The following TTC39C variants were observed in gnomAD, a reference collection of about 807,000 sequenced individuals.
TTC39C encodes tetratricopeptide repeat protein 39C.
A neutral mutation model predicts 76.3 loss-of-function variants in TTC39C; 33 were observed. The observed-to-expected ratio is 0.43, with a 90% CI of 0.33 to 0.58. TTC39C has a LOEUF of 0.58. TTC39C is among the 20% of genes least tolerant of loss of function. The pLI is 0.04. For synonymous variants in TTC39C, 254 were observed against 260.6 expected (o/e 0.97, Z 0.24); for missense variants, 595 against 701.4 (o/e 0.85, Z 1.71).
chr18:24,114,584 C>T lies in TTC39C; in HGVS notation c.1015C>T (p.His339Tyr). ...AATCAACAGTGCCTTGACATCTTTC[C>T]ACACTGCTTTGGAACTTGCAGTAGA... ...CQINSALTSF[H>Y]TALELAVDQR... The change falls in exon 7 of 14, where the codon CAC becomes TAC. Residue 339 changes from histidine (H) to tyrosine (Y), a missense_variant. His to Tyr is a moderately conservative substitution (Grantham distance 83). Coordinates refer to ENST00000317571, the MANE Select transcript of TTC39C (RefSeq NM_001135993.2). The T allele has an allele frequency of 6.2e-7, 1 of 1,614,002 alleles. No homozygotes were observed. The highest frequency in any genetic ancestry group is 1.3e-5 in the African/African-American group (1 of 75,030).
chr18:24,103,763 C>T (rs979388434), intron 6 of TTC39C, among the ~76,000 whole-genome samples: 1 of 146,742 alleles, frequency 6.8e-6, no homozygotes, highest in Non-Finnish European at 1.5e-5. Flanking sequence ...TGGATGGTCA[C>T]ATCATCCTGA....
intron 6 of TTC39C, among the ~76,000 whole-genome samples, chr18:24,086,684 T>C (rs554153579): frequency 6.6e-6 from 1 of 152,350 alleles, no homozygotes; most frequent in East Asian, 1.9e-4. Context: ...TTCTCCCCAC[T>C]GCGTGTCTAT....
chr18:24,076,250 G>C (rs1259557712), intron 4 of TTC39C, among the ~76,000 whole-genome samples: 3 of 152,232 alleles, frequency 2.0e-5, no homozygotes, highest in Non-Finnish European at 2.9e-5. Context: ...AAAGTGCTGG[G>C]ATTACAGGCA....
chr18:24,046,747 GTC>G (rs746308562), intron 1 of TTC39C, among the ~76,000 whole-genome samples: 1 of 151,610 alleles, frequency 6.6e-6, no homozygotes, highest in Non-Finnish European at 1.5e-5. Context: ...ACATTTTTAA[GTC>G]TCTTGAAATG....
chr18:24,026,497 G>A (rs1191554120), intron 1 of TTC39C, among the ~76,000 whole-genome samples: 1 of 152,200 alleles, frequency 6.6e-6, no homozygotes, highest in Non-Finnish European at 1.5e-5. Flanking sequence ...GGAAAGGAAA[G>A]CCACATAATG....
chr18:24,002,605 C>G (rs1298848675), intron 1 of TTC39C, among the ~76,000 whole-genome samples: 3 of 152,072 alleles, frequency 2.0e-5, no homozygotes, highest in South Asian at 2.1e-4. Flanking sequence ...TGTTCTAATG[C>G]TTGGGGGGTG....
intron 9 of TTC39C, chr18:24,124,221 C>T: frequency 4.0e-6 from 1 of 247,494 alleles, no homozygotes; most frequent in Non-Finnish European, 7.6e-6. Flanking sequence ...CAGAGTGGTT[C>T]CCCTTCATGG....
chr18:24,078,728 C>T lies in TTC39C; in HGVS notation c.461-1857C>T, dbSNP rs1252890091. Among the ~76,000 whole-genome samples the T allele has an allele frequency of 1.6e-4, 8 of 50,994 alleles. No individual in the cohort carries two copies. The South Asian group carries it at 1.8e-3, about 11-fold the overall frequency. The allele number at this position is 50,994 out of a possible 152,430, so 33.5% of individuals were successfully genotyped here. On this transcript the variant is annotated intron_variant, in intron 4 of 13. Transcript: ENST00000317571. ...TAATGCCAGAGTTTTTATTGGGGGCCGATCATGTAGGCACATAGACAAATT... is the reference window on the plus strand; with the variant it reads ...TAATGCCAGAGTTTTTATTGGGGGCTGATCATGTAGGCACATAGACAAATT...
chr18:24,030,641 G>T (rs1219216671), intron 1 of TTC39C, among the ~76,000 whole-genome samples: 3 of 138,060 alleles, frequency 2.2e-5, no homozygotes, highest in East Asian at 2.2e-4. Flanking sequence ...CAGCCCCAAA[G>T]ATAGGCCTTT....
At chr18:24,009,373 C>T (rs1475505866) in intron 1 of TTC39C, among the ~76,000 whole-genome samples, 1 of 152,132 alleles carries the variant, frequency 6.6e-6, no homozygotes, top group Non-Finnish European at 1.5e-5. Context: ...GTCTTGAAAC[C>T]AGAGACGGCC....
intron 7 of TTC39C, among the ~76,000 whole-genome samples, chr18:24,115,738 G>A (rs1042704525): frequency 1.3e-5 from 2 of 152,168 alleles, no homozygotes; most frequent in African/African-American, 4.8e-5. Flanking sequence ...AAAAGATTGC[G>A]AACTGCCCAA....
At chr18:23,996,687 A>G (rs747098062) in intron 1 of TTC39C, among the ~76,000 whole-genome samples, 5 of 152,232 alleles carry the variant, frequency 3.3e-5, no homozygotes, top group Non-Finnish European at 7.3e-5. Flanking sequence ...ACTTTTGAGG[A>G]TGAGGCCTAG....
chr18:24,074,553 C>T (rs1298836144), intron 4 of TTC39C, among the ~76,000 whole-genome samples: 1 of 152,152 alleles, frequency 6.6e-6, no homozygotes, highest in African/African-American at 2.4e-5. Context: ...TGAAAAAATG[C>T]TCATCATCAC....
At chr18:24,083,483 A>G (rs1235610255) in intron 6 of TTC39C, among the ~76,000 whole-genome samples, 1 of 152,242 alleles carries the variant, frequency 6.6e-6, no homozygotes, top group Non-Finnish European at 1.5e-5. Flanking sequence ...ACTGCCTTAA[A>G]TATCAGGGCA....
intron 1 of TTC39C, among the ~76,000 whole-genome samples, chr18:24,026,323 C>T (rs1030545443): frequency 2.6e-5 from 4 of 152,078 alleles, no homozygotes; most frequent in Admixed American, 6.6e-5. Flanking sequence ...GCAAGTTAAA[C>T]GAACAAAAAT....
In TTC39C at chr18:24,019,906, A is replaced by G. The variant is rs190303377; in HGVS notation, c.167+4868A>G. ...GAAAACCTCAGCGCTTCCTGGAGAA[A>G]CTCAAAGGCGCTTGTAAGAGATGTT... On this transcript the variant is annotated intron_variant, in intron 1 of 13. Coordinates refer to ENST00000317571, the MANE Select transcript of TTC39C (RefSeq NM_001135993.2). The G allele has an allele frequency of 6.6e-6, 10 of 1,525,072 alleles. No individual in the cohort carries two copies. The East Asian group carries it at 2.5e-4, about 38-fold the overall frequency. The allele number at this position is 1,525,072 out of a possible 1,614,324, so 94.5% of individuals were successfully genotyped here. A position where few individuals can be genotyped will look rare whatever the true frequency, so the allele number is the denominator to read the frequency against.
At chr18:24,109,203 A>G (rs7226403) in intron 6 of TTC39C, among the ~76,000 whole-genome samples, 1 of 149,914 alleles carries the variant, frequency 6.7e-6, no homozygotes, top group African/African-American at 2.5e-5. Context: ...AAAAAAGTTA[A>G]AAAATTAGCC....
chr18:24,016,876 A>AG, intron 1 of TTC39C: 1 of 396,620 alleles, frequency 2.5e-6, no homozygotes. Context: ...AGTGCTAGAC[A>AG]CATTCCCTTA....
In TTC39C at chr18:24,134,620, C is replaced by T. The variant is rs1410921950; in HGVS notation, c.*2046C>T. ...GATGGAAGGGAAGAACATTATGAAT[C>T]TTTAAAATACGGCTGTTGCCATTTT... On this transcript the variant is annotated 3_prime_UTR_variant, in exon 14 of 14. Transcript: ENST00000317571. 2.0e-5 allele frequency: 3 copies of T among 152,090 alleles called. No individual in the cohort carries two copies. The highest frequency in any genetic ancestry group is 7.2e-5 in the African/African-American group (3 of 41,400). The allele number at this position is 152,090 out of a possible 1,614,324, so 9.4% of individuals were successfully genotyped here.
Sources: gnomAD v4.1 joint callset for allele counts (sites outside exome capture counted in the v4.1 genomes callset) on GRCh38, gnomAD v4.1.1 for gene constraint, MANE v1.5 for transcripts, NCBI Gene and HGNC (gene_info 2026-07-23, HGNC 2026-07-21) for gene names.